Variants in GSE1 observed in about 807,000 individuals in gnomAD.
The protein encoded by GSE1 is genetic suppressor element 1.
In GSE1, 32 loss-of-function variants were observed where a neutral mutation model predicts 112.6. That is an observed-to-expected ratio of 0.28 (90% CI 0.21 to 0.38). GSE1 has a LOEUF of 0.38. Among genes scored for constraint, GSE1 ranks in the 10% least tolerant of loss-of-function variants. GSE1 has a pLI of 1.00. For missense variants in GSE1, 2,348 were observed against 1,699.2 expected (o/e 1.38, Z -6.71); for synonymous variants, 1,115 against 735.6 (o/e 1.52, Z -8.35).
intron 1 of GSE1, among the ~76,000 whole-genome samples, chr16:85,180,327 G>A (rs1394866377): frequency 2.0e-5 from 3 of 152,238 alleles, no homozygotes; most frequent in Non-Finnish European, 4.4e-5. Flanking sequence ...CTGGGGAGAG[G>A]AGGCAGCCCA....
At chr16:85,334,562 C>G (rs1277403119) in intron 1 of GSE1, among the ~76,000 whole-genome samples, 1 of 152,314 alleles carries the variant, frequency 6.6e-6, no homozygotes, top group African/African-American at 2.4e-5. Flanking sequence ...AGAGGGTGGA[C>G]TCTGAGGTGC....
In GSE1 at chr16:85,672,885, G is replaced by C; in HGVS notation, c.*346G>C. On this transcript the variant is annotated 3_prime_UTR_variant, in exon 16 of 16. Coordinates refer to ENST00000253458, the MANE Select transcript of GSE1 (RefSeq NM_014615.5). ...ATCATTAACAGCCCCCTGTGCATAT[G>C]AGTGGATCAAACCGGTTCTGTTCTT... 1 of 170,112 alleles carries C rather than the reference G, an allele frequency of 5.9e-6. No individual in the cohort carries two copies. Among genetic ancestry groups the C allele is most frequent in the East Asian group, 1.6e-4 (1 of 6,358 alleles). 10.5% of individuals were successfully genotyped at this position (170,112 alleles called of 1,614,324 possible).
intron 15 of GSE1, among the ~76,000 whole-genome samples, chr16:85,671,339 C>T (rs2053314638): frequency 6.8e-6 from 1 of 147,492 alleles, no homozygotes; most frequent in Non-Finnish European, 1.5e-5. Context: ...ACTTGGGAGG[C>T]TGAGGCAGGA....
chr16:85,635,047 G>A (rs2049873417), intron 2 of GSE1, among the ~76,000 whole-genome samples: 2 of 152,284 alleles, frequency 1.3e-5, no homozygotes, highest in Middle Eastern at 3.4e-3. Flanking sequence ...CCTCCGGGGT[G>A]GCCACAGCAA....
intron 1 of GSE1, among the ~76,000 whole-genome samples, chr16:85,337,212 A>C (rs1433917681): frequency 6.7e-6 from 1 of 149,954 alleles, no homozygotes; most frequent in Non-Finnish European, 1.5e-5. Flanking sequence ...AGCTCATGCT[A>C]CCCTTTGGGC....
At chr16:85,461,072 G>A (rs891189659) in intron 2 of GSE1, among the ~76,000 whole-genome samples, 4 of 152,250 alleles carry the variant, frequency 2.6e-5, no homozygotes, top group African/African-American at 9.6e-5. Flanking sequence ...CACACCCTTA[G>A]GGAGCACCTG....
intron 1 of GSE1, among the ~76,000 whole-genome samples, chr16:85,323,573 T>C (rs2046161866): frequency 6.6e-6 from 1 of 151,996 alleles, no homozygotes; most frequent in Non-Finnish European, 1.5e-5. Context: ...AGGTGGGGCA[T>C]GAAATGAGGG....
rs1211686901 is a variant in GSE1 at position 85,404,134 on chromosome 16, CCT to C, written c.2464+46492_2464+46493del. On this transcript the variant is annotated intron_variant, in intron 2 of 2. Coordinates refer to the GSE1 transcript ENST00000637419. ...TCCTCACTGTTACACTCAGGGCCCC[CCT>C]GGATAATCCACACCGTTACACTCAG... is the stretch of plus-strand genomic sequence containing the variant. Among the ~76,000 whole-genome samples, 165 of 129,968 alleles carry C rather than the reference CCT, an allele frequency of 1.3e-3. 3 individuals are homozygous for C. The highest frequency in any genetic ancestry group is 4.8e-3 in the South Asian group (18 of 3,734). 85.3% of individuals were successfully genotyped at this position (129,968 alleles called of 152,430 possible).
intron 2 of GSE1, among the ~76,000 whole-genome samples, chr16:85,540,144 G>T (rs1200909373): frequency 3.3e-5 from 5 of 152,162 alleles, no homozygotes; most frequent in Non-Finnish European, 5.9e-5. Context: ...GGTTATTTTT[G>T]ATTGTGTACA....
upstream of GSE1, among the ~76,000 whole-genome samples, chr16:85,612,904 G>C (rs78968930): frequency 6.6e-6 from 1 of 151,156 alleles, no homozygotes; most frequent in Non-Finnish European, 1.5e-5. Flanking sequence ...ACGTGGCGAG[G>C]GTGCTGCACT....
intron 2 of GSE1, among the ~76,000 whole-genome samples, chr16:85,383,748 A>G (rs1597555234): frequency 6.6e-6 from 1 of 152,024 alleles, no homozygotes; most frequent in African/African-American, 2.4e-5. Context: ...AGGGTGGCTG[A>G]CCCTGGCAGG....
intron 1 of GSE1, among the ~76,000 whole-genome samples, chr16:85,224,239 G>T (rs755098226): frequency 2.4e-5 from 3 of 125,062 alleles, no homozygotes; most frequent in Admixed American, 9.1e-5. Flanking sequence ...CATGAAAAGC[G>T]AGAAGGCGAG....
upstream of GSE1, chr16:85,613,084 C>T (rs544134042): frequency 2.8e-5 from 19 of 673,710 alleles, no homozygotes; most frequent in African/African-American, 2.7e-4. Flanking sequence ...GCGGGTGGAT[C>T]CGGGCGCCCG....
At chr16:85,294,886 G>T (rs546776938) in intron 1 of GSE1, among the ~76,000 whole-genome samples, 2 of 151,648 alleles carry the variant, frequency 1.3e-5, no homozygotes, top group Non-Finnish European at 2.9e-5. Flanking sequence ...CATTTTGTAC[G>T]TTCACAGTAT....
At chr16:85,546,314 G>A (rs547976424) in intron 2 of GSE1, among the ~76,000 whole-genome samples, 4 of 152,150 alleles carry the variant, frequency 2.6e-5, no homozygotes, top group Admixed American at 2.6e-4. Flanking sequence ...TCGAACTTGT[G>A]GCCTAAGTGA....
At chr16:85,259,422 G>T (rs935922292) in intron 1 of GSE1, among the ~76,000 whole-genome samples, 1 of 152,232 alleles carries the variant, frequency 6.6e-6, no homozygotes, top group African/African-American at 2.4e-5. Flanking sequence ...AAGAGGCCAA[G>T]GATCCACAAA....
At chr16:85,570,031 C>T (rs2045917774) in intron 1 of GSE1, among the ~76,000 whole-genome samples, 1 of 152,206 alleles carries the variant, frequency 6.6e-6, no homozygotes, top group Admixed American at 6.5e-5. Flanking sequence ...AGCCAAGATA[C>T]AGTTGCGGCC....
At chr16:85,387,344 C>T (rs903137028) in intron 2 of GSE1, among the ~76,000 whole-genome samples, 1 of 152,154 alleles carries the variant, frequency 6.6e-6, no homozygotes, top group Non-Finnish European at 1.5e-5. Flanking sequence ...CGAGGTCTGG[C>T]CTCAGCCTCC....
At chr16:85,470,433 G>C (rs2151843938) in intron 2 of GSE1, among the ~76,000 whole-genome samples, 1 of 149,224 alleles carries the variant, frequency 6.7e-6, no homozygotes, top group Admixed American at 6.6e-5. Flanking sequence ...TGGGATCCGT[G>C]TCTCTTTCCC....
Sources: gnomAD v4.1 joint callset for allele counts (sites outside exome capture counted in the v4.1 genomes callset) on GRCh38, gnomAD v4.1.1 for gene constraint, MANE v1.5 for transcripts, NCBI Gene and HGNC (gene_info 2026-07-23, HGNC 2026-07-21) for gene names.